Variants in MAGI3 observed in about 807,000 individuals in gnomAD.
MAGI3 encodes membrane associated guanylate kinase, WW and PDZ domain containing 3.
A neutral mutation model predicts 121.8 loss-of-function variants in MAGI3; 43 were observed. That is an observed-to-expected ratio of 0.35 (90% CI 0.28 to 0.46). The LOEUF (loss-of-function observed/expected upper bound fraction) is 0.46, where lower values mean the gene tolerates loss of function less well. Ranked by LOEUF, MAGI3 falls within the 20% of genes least tolerant of loss-of-function variation. MAGI3 has a pLI of 1.00. For synonymous variants in MAGI3, 553 were observed against 639.3 expected (o/e 0.86, Z 2.04); for missense variants, 1,547 against 1,797.3 (o/e 0.86, Z 2.52).
intron 15 of MAGI3, 25 bp downstream of exon 15, chr1:113,654,043 C>G (rs1285347188): frequency 6.4e-7 from 1 of 1,574,166 alleles, no homozygotes; most frequent in Non-Finnish European, 8.6e-7. Context: ...ATCTTATTGT[C>G]TCTCCCTGCA....
intron 4 of MAGI3, among the ~76,000 whole-genome samples, chr1:113,588,278 G>A (rs1387730178): frequency 6.6e-6 from 1 of 152,164 alleles, no homozygotes; most frequent in African/African-American, 2.4e-5. Context: ...AATGCCCAGA[G>A]ATGGGAACAT....
intron 15 of MAGI3, among the ~76,000 whole-genome samples, chr1:113,656,792 G>C (rs1653498343): frequency 6.6e-6 from 1 of 152,122 alleles, no homozygotes. Flanking sequence ...AGTAGCATCT[G>C]TGGTACCAGT....
At chr1:113,592,904 CG>C (rs1648773709) in intron 5 of MAGI3, among the ~76,000 whole-genome samples, 1 of 151,792 alleles carries the variant, frequency 6.6e-6, no homozygotes, top group Admixed American at 6.6e-5. Flanking sequence ...CCCAGCTACT[CG>C]GGAGGCTGAG....
intron 1 of MAGI3, among the ~76,000 whole-genome samples, chr1:113,467,856 G>C (rs1456559891): frequency 1.3e-5 from 2 of 152,018 alleles, no homozygotes; most frequent in African/African-American, 4.8e-5. Context: ...TTGTATTGCA[G>C]TCCATCTTTC....
chr1:113,681,968 A>ACC (rs1648242934), intron 20 of MAGI3, among the ~76,000 whole-genome samples: 1 of 151,998 alleles, frequency 6.6e-6, no homozygotes, highest in Admixed American at 6.6e-5. Context: ...GCAGTACCAC[A>ACC]CCCACGCAGT....
chr1:113,541,356 T>A (rs1182907786), intron 1 of MAGI3, among the ~76,000 whole-genome samples: 1 of 152,236 alleles, frequency 6.6e-6, no homozygotes, highest in African/African-American at 2.4e-5. Context: ...TTGTGACTGC[T>A]GAGGTGGTGG....
intron 1 of MAGI3, 26 bp from the exon 2 acceptor site, chr1:113,549,489 G>GTTTTTTTTTTTT: frequency 1.9e-6 from 2 of 1,028,308 alleles, no homozygotes; most frequent in African/African-American, 1.7e-5. Flanking sequence ...TTTATTTTCT[G>GTTTTTTTTTTTT]TTTTTTTTTT....
At chr1:113,629,376 T>A (rs958968864) in intron 9 of MAGI3, among the ~76,000 whole-genome samples, 1 of 152,236 alleles carries the variant, frequency 6.6e-6, no homozygotes, top group Admixed American at 6.5e-5. Flanking sequence ...CTATTTTTAA[T>A]TTTCTATCTG....
chr1:113,484,183 A>G (rs754379596), intron 1 of MAGI3, among the ~76,000 whole-genome samples: 1 of 152,214 alleles, frequency 6.6e-6, no homozygotes, highest in Non-Finnish European at 1.5e-5. Context: ...CAAATTTTAA[A>G]TGAATATCCT....
At chr1:113,414,359 C>T (rs1468845200) in intron 1 of MAGI3, among the ~76,000 whole-genome samples, 1 of 152,066 alleles carries the variant, frequency 6.6e-6, no homozygotes, top group Non-Finnish European at 1.5e-5. Context: ...TGTGTCTCTG[C>T]CAGGCTTTGG....
chr1:113,423,302 C>T (rs142021644), intron 1 of MAGI3, among the ~76,000 whole-genome samples: 40 of 146,698 alleles, frequency 2.7e-4, no homozygotes, highest in African/African-American at 9.1e-4. Context: ...GACGTAGTCT[C>T]GCACTTTTGC....
At chr1:113,541,320 G>A (rs184364363) in intron 1 of MAGI3, among the ~76,000 whole-genome samples, 3 of 152,340 alleles carry the variant, frequency 2.0e-5, no homozygotes, top group Admixed American at 2.0e-4. Flanking sequence ...GACGAAGAAT[G>A]TGACCTTTGT....
At chr1:113,679,014 G>A (rs1350593948) in intron 19 of MAGI3, among the ~76,000 whole-genome samples, 1 of 152,142 alleles carries the variant, frequency 6.6e-6, no homozygotes, top group Non-Finnish European at 1.5e-5. Flanking sequence ...TTGCTTTTTG[G>A]AATTTCAGTA....
rs557613629 is a variant in MAGI3 at position 113,547,175 on chromosome 1, G to C, written c.317-2340G>C. Among the ~76,000 whole-genome samples the C allele has an allele frequency of 2.7e-3, 403 of 148,816 alleles. 1 individual carries two copies. The highest frequency in any genetic ancestry group is 8.6e-3 in the African/African-American group (349 of 40,528). On this transcript the variant is annotated intron_variant, in intron 1 of 20. Transcript: ENST00000307546. ...TAATTTATGATTTTATTGTGGCTTTGTCCTTAATTATATCTAATTTAATGG... is the reference window on the plus strand; with the variant it reads ...TAATTTATGATTTTATTGTGGCTTTCTCCTTAATTATATCTAATTTAATGG...
At chr1:113,540,316 G>C (rs1382614833) in intron 1 of MAGI3, among the ~76,000 whole-genome samples, 2 of 152,170 alleles carry the variant, frequency 1.3e-5, no homozygotes, top group African/African-American at 4.8e-5. Context: ...CATAATTTCT[G>C]ACTTCACACA....
chr1:113,668,478 C>T (rs567879810), intron 16 of MAGI3, among the ~76,000 whole-genome samples: 46 of 149,812 alleles, frequency 3.1e-4, no homozygotes, highest in Non-Finnish European at 5.5e-4. Context: ...CCATGTAGCA[C>T]GGGTTGAAGG....
In MAGI3 at chr1:113,612,484, A is replaced by C. The variant is rs546426645; in HGVS notation, c.1019-2117A>C. Among the ~76,000 whole-genome samples the C allele has an allele frequency of 2.0e-5, 3 of 152,298 alleles. No individual in the cohort carries two copies. The East Asian group carries it at 5.8e-4, about 29-fold the overall frequency. On this transcript the variant is annotated intron_variant, in intron 6 of 20. Transcript: ENST00000307546. ...AGAAGGGAGGAAGGAAAAAAGAATAAAATGAATAAATGAATTGATCCACTA... is the reference window on the plus strand; with the variant it reads ...AGAAGGGAGGAAGGAAAAAAGAATACAATGAATAAATGAATTGATCCACTA...
At position 113,444,758 on chromosome 1, in the gene MAGI3, A is replaced by G. The variant is rs535022314; in HGVS notation, c.316+53409A>G. ...CAAGGAAAAAACTGAATCAACAGAA[A>G]CTCTTCCTGAAAAAGACCTCATGTC... On this transcript the variant is annotated intron_variant, in intron 1 of 20. Coordinates refer to ENST00000307546, the MANE Select transcript of MAGI3 (RefSeq NM_001142782.2). Among the ~76,000 whole-genome samples, 9 of 152,240 alleles carry G rather than the reference A, an allele frequency of 5.9e-5. No individual in the cohort carries two copies. The South Asian group carries it at 1.7e-3, about 28-fold the overall frequency.
chr1:113,517,232 A>G (rs1311859705), intron 1 of MAGI3, among the ~76,000 whole-genome samples: 1 of 151,972 alleles, frequency 6.6e-6, no homozygotes, highest in African/African-American at 2.4e-5. Flanking sequence ...GTAATATAAT[A>G]TATTGATAAT....
Sources: gnomAD v4.1 joint callset for allele counts (sites outside exome capture counted in the v4.1 genomes callset) on GRCh38, gnomAD v4.1.1 for gene constraint, MANE v1.5 for transcripts, NCBI Gene and HGNC (gene_info 2026-07-23, HGNC 2026-07-21) for gene names.